KPNA6: variants seen among roughly 807,000 people sequenced by gnomAD.
KPNA6 encodes the protein karyopherin subunit alpha 6.
KPNA6 carries 9 observed loss-of-function variants against 72.0 expected under a neutral mutation model. That is an observed-to-expected ratio of 0.13 (90% CI 0.08 to 0.22). KPNA6 has a LOEUF of 0.22. Among genes scored for constraint, KPNA6 ranks in the 10% least tolerant of loss-of-function variants. The pLI is 1.00. For synonymous variants in KPNA6, 219 were observed against 242.1 expected, an observed-to-expected ratio of 0.90 and a Z score of 0.89; for missense variants, 374 against 655.7, an observed-to-expected ratio of 0.57 and a Z score of 4.69.
At chr1:32,110,079 T>TC (rs1641219979) in intron 1 of KPNA6, among the ~76,000 whole-genome samples, 1 of 147,860 alleles carries the variant, frequency 6.8e-6, no homozygotes, top group Non-Finnish European at 1.5e-5. Context: ...TTTTTTTTTT[T>TC]CTGAGAAGAA....
At chr1:32,119,766 A>G (rs1217824916) in intron 1 of KPNA6, among the ~76,000 whole-genome samples, 2 of 124,640 alleles carry the variant, frequency 1.6e-5, no homozygotes, top group African/African-American at 6.2e-5. Flanking sequence ...TTTTTTTGAG[A>G]TGGGGTCTTG....
At chr1:32,137,052 GA>G in intron 1 of KPNA6, among the ~76,000 whole-genome samples, 1 of 152,308 alleles carries the variant, frequency 6.6e-6, no homozygotes, top group Middle Eastern at 3.4e-3. Context: ...CAAGGACAAT[GA>G]AAATTATGTA....
rs945320645 is a variant in KPNA6, at chr1:32,172,937, T to A, written c.*2043T>A. On this transcript the variant is annotated 3_prime_UTR_variant, in exon 14 of 14. Coordinates refer to ENST00000373625, the MANE Select transcript of KPNA6 (RefSeq NM_012316.5). ...TTATTATTGGCCATTGATCTTGAATTTGCCCTCTCCTAGTGCTGCAGTCCC... is the reference window on the plus strand; with the variant it reads ...TTATTATTGGCCATTGATCTTGAATATGCCCTCTCCTAGTGCTGCAGTCCC... The A allele has an allele frequency of 1.0e-4, 41 of 396,908 alleles. No homozygotes were observed. The highest frequency in any genetic ancestry group is 1.7e-4 in the Non-Finnish European group (39 of 225,502). 24.6% of individuals were successfully genotyped at this position (396,908 alleles called of 1,614,324 possible).
chr1:32,122,529 A>G (rs1341066431), intron 1 of KPNA6, among the ~76,000 whole-genome samples: 1 of 152,132 alleles, frequency 6.6e-6, no homozygotes, highest in Non-Finnish European at 1.5e-5. Context: ...TGATGCCTGT[A>G]ATTCTAGCAC....
chr1:32,128,391 ATATAT>A (rs1641573848), intron 1 of KPNA6, among the ~76,000 whole-genome samples: 2 of 46,206 alleles, frequency 4.3e-5, no homozygotes, highest in South Asian at 2.0e-3. Flanking sequence ...ATGTATTTAT[ATATAT>A]ATATATATAT....
chr1:32,154,894 G>A (rs1642108453), intron 2 of KPNA6, among the ~76,000 whole-genome samples, 173 bp downstream of exon 2: 1 of 152,012 alleles, frequency 6.6e-6, no homozygotes, highest in Admixed American at 6.6e-5. Context: ...GATCACCTGA[G>A]GTCAGGAGTT....
intron 10 of KPNA6, 86 bp downstream of exon 10, chr1:32,163,399 AG>A (rs1642277870): frequency 1.1e-6 from 1 of 947,616 alleles, no homozygotes; most frequent in African/African-American, 1.6e-5. Flanking sequence ...TTTCCTGCAA[AG>A]GGCTGTGGTC....
At chr1:32,147,452 G>T (rs1050474514) in intron 1 of KPNA6, among the ~76,000 whole-genome samples, 4 of 151,788 alleles carry the variant, frequency 2.6e-5, no homozygotes, top group African/African-American at 9.7e-5. Flanking sequence ...ACGCCACCAT[G>T]CCCAACTAAA....
intron 7 of KPNA6, among the ~76,000 whole-genome samples, 179 bp downstream of exon 7, chr1:32,160,882 C>T (rs1019684289): frequency 2.6e-5 from 4 of 152,200 alleles, no homozygotes; most frequent in Non-Finnish European, 4.4e-5. Context: ...TGTGGCCGGG[C>T]ATGGTGGCTT....
chr1:32,164,516 T>C (rs1023448487), intron 10 of KPNA6, among the ~76,000 whole-genome samples: 7 of 152,032 alleles, frequency 4.6e-5, no homozygotes, highest in Admixed American at 6.6e-5. Flanking sequence ...TGTTCCAGTT[T>C]CCCCACAGCC....
At chr1:32,168,989 T>C (rs1252445860) in intron 12 of KPNA6, among the ~76,000 whole-genome samples, 1 of 152,092 alleles carries the variant, frequency 6.6e-6, no homozygotes. Context: ...AGCATCCACA[T>C]GTGAAATGAA....
chr1:32,157,409 G>T lies in KPNA6; in HGVS notation c.295G>T (p.Ala99Ser), dbSNP rs1457214865. Residue 99 changes from alanine (A) to serine (S), a missense_variant, in exon 4 of 14, where the codon GCA becomes TCA. Transcript: ENST00000373625. ...LFSDDSDLQL[A>S]TTQKFRKLLS... is the part of the protein sequence containing the mutation. The stretch of plus-strand genomic sequence containing the variant: ...TTCTGATGATTCTGACCTGCAGTTA[G>T]CAACCACACAGAAATTCCGGAAACT... 2.5e-6 allele frequency: 4 copies of T among 1,613,916 alleles called. No individual in the cohort carries two copies. In the East Asian group the frequency reaches 8.9e-5, roughly 36 times the overall value.
intron 7 of KPNA6, among the ~76,000 whole-genome samples, 180 bp downstream of exon 7, chr1:32,160,883 A>G (rs972668631): frequency 6.6e-6 from 1 of 152,210 alleles, no homozygotes; most frequent in African/African-American, 2.4e-5. Context: ...GTGGCCGGGC[A>G]TGGTGGCTTA....
intron 1 of KPNA6, among the ~76,000 whole-genome samples, chr1:32,109,990 G>A (rs995591369): frequency 2.6e-5 from 4 of 151,216 alleles, no homozygotes; most frequent in African/African-American, 7.3e-5. Flanking sequence ...AACTGAAGGA[G>A]TCCAGAGTGA....
intron 1 of KPNA6, among the ~76,000 whole-genome samples, chr1:32,152,968 G>C (rs1157644955): frequency 7.5e-6 from 1 of 132,846 alleles, no homozygotes; most frequent in Non-Finnish European, 1.5e-5. Context: ...AGTGAGCCAA[G>C]ATCGCGCCAC....
chr1:32,169,809 G>T, intron 12 of KPNA6, 73 bp from the exon 13 acceptor site: 1 of 1,341,168 alleles, frequency 7.5e-7, no homozygotes, highest in South Asian at 1.4e-5. Flanking sequence ...GGGTTGCTGA[G>T]AGTTCAGAGC....
intron 2 of KPNA6, among the ~76,000 whole-genome samples, chr1:32,156,474 AAGTT>A (rs1642145090): frequency 6.6e-6 from 1 of 152,164 alleles, no homozygotes; most frequent in African/African-American, 2.4e-5. Flanking sequence ...CCTGATAACC[AAGTT>A]GGTTATTAAG....
intron 1 of KPNA6, among the ~76,000 whole-genome samples, chr1:32,154,158 A>AG (rs1375713563): frequency 6.6e-6 from 1 of 152,002 alleles, no homozygotes; most frequent in Non-Finnish European, 1.5e-5. Flanking sequence ...AAAAAAAAAA[A>AG]CAGCATTTCT....
chr1:32,134,875 C>CT (rs900188739), intron 1 of KPNA6, among the ~76,000 whole-genome samples: 8 of 147,800 alleles, frequency 5.4e-5, no homozygotes, highest in East Asian at 2.0e-4. Context: ...AATAGGGTTT[C>CT]TTTTTTTTAA....
Sources: allele counts gnomAD v4.1 joint callset (sites outside exome capture counted in the v4.1 genomes callset), GRCh38; gene constraint gnomAD v4.1.1; transcripts MANE v1.5; gene names NCBI Gene and HGNC (gene_info 2026-07-23, HGNC 2026-07-21).